The following TLN1 variants were observed in gnomAD, a reference collection of about 807,000 sequenced individuals.
The protein encoded by TLN1 is talin 1, also known as talin-1.
Under a neutral mutation model 292.3 loss-of-function variants are expected in TLN1, and 56 were observed. The ratio of observed to expected loss-of-function variants is 0.19; its 90% confidence interval spans 0.15 to 0.24. TLN1 has a LOEUF of 0.24. Among genes scored for constraint, TLN1 ranks in the 10% least tolerant of loss-of-function variants. TLN1 has a pLI of 1.00. For missense variants in TLN1, 2,433 were observed against 3,248.2 expected (o/e 0.75, Z 6.10); for synonymous variants, 1,119 against 1,253.7 (o/e 0.89, Z 2.27).
Position 35,697,697 on chromosome 9 carries a change from G to GGGTTGGGCA in TLN1, c.*85_*93dup. On this transcript the variant is annotated 3_prime_UTR_variant, in exon 57 of 57. Transcript: ENST00000314888. ...TTGGCAGGCACTTTGGGGAGTGCTG[G>GGGTTGGGCA]GGTTGGGCAGGTTGGGCCCCGACAG... 1 of 1,545,066 alleles carries GGGTTGGGCA rather than the reference G, an allele frequency of 6.5e-7. No individual in the cohort carries two copies. Among genetic ancestry groups the GGGTTGGGCA allele is most frequent in the Admixed American group, 1.8e-5 (1 of 54,908 alleles).
At position 35,707,317 on chromosome 9, in the gene TLN1, GC is replaced by G; in HGVS notation, c.4773+30del. The G allele has an allele frequency of 1.9e-6, 3 of 1,610,970 alleles. No individual in the cohort carries two copies. Among genetic ancestry groups the G allele is most frequent in the Non-Finnish European group, 2.5e-6 (3 of 1,177,560 alleles). On this transcript the variant is annotated intron_variant, in intron 36 of 56. Coordinates refer to ENST00000314888, the MANE Select transcript of TLN1 (RefSeq NM_006289.4). The surrounding 1 kb of genome is among the most constrained non-coding windows in gnomAD (Gnocchi z 5.6). ...CCCTGGAAGATGAGGTGATAAGCTGGCCCATCAGTTCCCCCTTCACATCGCC... is the reference window on the plus strand; with the variant it reads ...CCCTGGAAGATGAGGTGATAAGCTGGCCATCAGTTCCCCCTTCACATCGCC...
intron 31 of TLN1, 35 bp downstream of exon 31, chr9:35,710,954 T>A: frequency 1.2e-6 from 2 of 1,613,848 alleles, no homozygotes; most frequent in South Asian, 2.2e-5. Context: ...AACACTTCCC[T>A]CAACCTCAAT....
At chr9:35,730,919 G>A (rs1316136692) in intron 1 of TLN1, among the ~76,000 whole-genome samples, 1 of 152,074 alleles carries the variant, frequency 6.6e-6, no homozygotes, top group East Asian at 1.9e-4. Flanking sequence ...TTCTTCCCTA[G>A]GCAGTCCCCA....
At chr9:35,726,167 C>T (rs1041673917) in intron 1 of TLN1, among the ~76,000 whole-genome samples, 86 of 152,186 alleles carry the variant, frequency 5.7e-4, no homozygotes, top group African/African-American at 2.0e-3. Context: ...CTTGGCCTCC[C>T]CAAGTGCTGG....
At position 35,699,128 on chromosome 9, in the gene TLN1, G is replaced by A; in HGVS notation, c.6903C>T (p.Pro2301=). 1 of 1,613,292 alleles carries A rather than the reference G, an allele frequency of 6.2e-7. No homozygotes were observed. Among genetic ancestry groups the A allele is most frequent in the Non-Finnish European group, 8.5e-7 (1 of 1,179,522 alleles). ...KGTEWVDPED[P]TVIAENELLG... ...GGAGCTCATTCTCAGCAATGACTGT[G>A]GGGTCCTCTGGGTCTACCCATTCTG... Residue 2301 remains proline, a synonymous_variant, in exon 52 of 57, where the codon CCC becomes CCT. Transcript: ENST00000314888. This position sits in a 1 kb window ranked among gnomAD's most constrained non-coding sequence, Gnocchi z 4.0.
rs576024268 is a variant in TLN1, at chr9:35,697,414, G to C, written c.*377C>G. On this transcript the variant is annotated 3_prime_UTR_variant, in exon 57 of 57. Coordinates refer to ENST00000314888, the MANE Select transcript of TLN1 (RefSeq NM_006289.4). ...CTGCAGCCCCTATGGGTAGCTGGGG[G>C]TGGGGGAAGATAGTATCAAAAAACG... 1 of 231,708 alleles carries C rather than the reference G, an allele frequency of 4.3e-6. No homozygotes were observed. Among genetic ancestry groups the C allele is most frequent in the African/African-American group, 2.3e-5 (1 of 43,974 alleles). 14.4% of individuals were successfully genotyped at this position (231,708 alleles called of 1,614,324 possible).
At chr9:35,727,780 T>C (rs2737274) in intron 1 of TLN1, among the ~76,000 whole-genome samples, 145,696 of 152,114 alleles carry the variant, frequency 0.96, 69,863 homozygotes, top group Non-Finnish European at 0.98. Flanking sequence ...CCATTTCCTC[T>C]GGACACTTAG....
rs748796421 is a variant in TLN1 at position 35,711,660 on chromosome 9, C to T, written c.3814G>A (p.Gly1272Ser). ...GTGCTGAAGTCCTGTCCAAATCGGC[C>T]TGAGGCTCGAGCCAGGTCCTGAGGG... ...GTPQDLARAS[G>S]RFGQDFSTFL... is the part of the protein sequence containing the mutation. Residue 1272 changes from glycine to serine, a missense_variant, in exon 29 of 57, where the codon GGC (glycine) becomes AGC (serine). Physicochemically the swap from Gly to Ser is moderately conservative, Grantham distance 56. Around this residue, in one of 7 missense-constraint regions of TLN1, gnomAD observed 1,384 missense variants for 1,699.6 expected, o/e 0.81. Transcript: ENST00000314888. 6 of 1,614,064 alleles carry T rather than the reference C, an allele frequency of 3.7e-6. No individual in the cohort carries two copies. The African/African-American group carries it at 8.0e-5, about 22-fold the overall frequency.
Position 35,707,597 on chromosome 9 carries a change from G to GTGGTCAGTCTGAATAGAAAGAGCT in TLN1, c.4632+110_4633-110dup, listed in dbSNP as rs1345984181. The GTGGTCAGTCTGAATAGAAAGAGCT allele has an allele frequency of 1.1e-5, 18 of 1,574,234 alleles. No individual in the cohort carries two copies. Among genetic ancestry groups the GTGGTCAGTCTGAATAGAAAGAGCT allele is most frequent in the Admixed American group, 5.2e-5 (3 of 57,908 alleles). ...CTTACAGGATTTGGGGAGAGGCTAG[G>GTGGTCAGTCTGAATAGAAAGAGCT]TGGTCAGTCTGAATAGAAAGAGCTT... On this transcript the variant is annotated intron_variant, in intron 35 of 56. Coordinates refer to ENST00000314888, the MANE Select transcript of TLN1 (RefSeq NM_006289.4). This position sits in a 1 kb window ranked among gnomAD's most constrained non-coding sequence, Gnocchi z 5.6.
At chr9:35,711,967 T>C (rs1825678570) in intron 28 of TLN1, 38 bp downstream of exon 28, 1 of 1,608,890 alleles carries the variant, frequency 6.2e-7, no homozygotes, top group South Asian at 1.1e-5. Flanking sequence ...TGGCATTCTT[T>C]GACTCCTACG....
Position 35,714,514 on chromosome 9 carries a change from A to C in TLN1, c.2985+60T>G. 6.3e-7 allele frequency: 1 copy of C among 1,591,904 alleles called. No individual in the cohort carries two copies. The highest frequency in any genetic ancestry group is 8.5e-7 in the Non-Finnish European group (1 of 1,173,230). ...TCTTGGCAGAGATTCAAACTGTGGG[A>C]GATGGAAGCTTAGAAAGGTGGGAAG... On this transcript the variant is annotated intron_variant, in intron 23 of 56. Transcript: ENST00000314888. The surrounding 1 kb of genome is among the most constrained non-coding windows in gnomAD (Gnocchi z 4.6).
rs368752977 is a variant in TLN1, at chr9:35,709,188, G to A, written c.4327-704C>T. On this transcript the variant is annotated intron_variant, in intron 33 of 56. Transcript: ENST00000314888. ...CAGGCGCCTGTAGTCCCAGCTACTCGGGAGGCTGAGGTAGGAGAATCACTT... is the reference window on the plus strand; with the variant it reads ...CAGGCGCCTGTAGTCCCAGCTACTCAGGAGGCTGAGGTAGGAGAATCACTT... Among the ~76,000 whole-genome samples the A allele has an allele frequency of 1.1e-4, 17 of 152,286 alleles. No homozygotes were observed. In the East Asian group the frequency reaches 2.9e-3, roughly 26 times the overall value.
At position 35,719,991 on chromosome 9, in the gene TLN1, G is replaced by A. The variant is rs114780880; in HGVS notation, c.1464+48C>T. On this transcript the variant is annotated intron_variant, in intron 13 of 56. Transcript: ENST00000314888. This position sits in a 1 kb window ranked among gnomAD's most constrained non-coding sequence, Gnocchi z 4.6. ...GCCTAACTCCTGGCTCGGCCCAGCT[G>A]AGGGTGAGAGAAGGGCCCTGGCACC... The A allele has an allele frequency of 4.5e-4, 716 of 1,581,444 alleles. 4 individuals carry two copies. The African/African-American group carries it at 8.3e-3, about 18-fold the overall frequency.
chr9:35,707,920 TGAGGGCAGGAAGGAG>T lies in TLN1; in HGVS notation c.4471-43_4471-29del, dbSNP rs768151706. 8.7e-6 allele frequency: 14 copies of T among 1,611,388 alleles called. No individual in the cohort carries two copies. The highest frequency in any genetic ancestry group is 3.3e-5 in the Admixed American group (2 of 59,940). ...GAGGAGACACATGGAAGAGCCACGA[TGAGGGCAGGAAGGAG>T]GTGTACATACCCAAGGAGGAGCCAT... On this transcript the variant is annotated intron_variant, in intron 34 of 56. Transcript: ENST00000314888. The surrounding 1 kb of genome is among the most constrained non-coding windows in gnomAD (Gnocchi z 5.6).
In TLN1 at chr9:35,711,719, G is replaced by A. The variant is rs763958290; in HGVS notation, c.3755C>T (p.Ala1252Val). 2 of 1,614,144 alleles carry A rather than the reference G, an allele frequency of 1.2e-6. No homozygotes were observed. The highest frequency in any genetic ancestry group is 1.7e-6 in the Non-Finnish European group (2 of 1,180,036). ...LNEAAAGLNQ[A>V]ATELVQASRG... Reference sequence around the variant, plus strand: ...AGAGGCCTGCACCAGTTCTGTGGCTGCCTGATTCAGCCCAGCAGCAGCTTC... The same window carrying A: ...AGAGGCCTGCACCAGTTCTGTGGCTACCTGATTCAGCCCAGCAGCAGCTTC... Residue 1252 changes from alanine (A) to valine (V), a missense_variant, in exon 29 of 57, where the codon GCA (alanine) becomes GTA (valine). This residue lies in a region of TLN1 where 1,384 missense variants were observed against 1,699.6 expected (regional missense o/e 0.81). Coordinates refer to ENST00000314888, the MANE Select transcript of TLN1 (RefSeq NM_006289.4).
intron 33 of TLN1, 72 bp downstream of exon 33, chr9:35,710,489 G>T (rs1221969764): frequency 1.3e-6 from 2 of 1,560,998 alleles, no homozygotes; most frequent in Non-Finnish European, 1.7e-6. Flanking sequence ...TTATCTACAG[G>T]TATGTCAGGC....
chr9:35,705,813 G>A lies in TLN1; in HGVS notation c.5550C>T (p.Phe1850=), dbSNP rs748787321. Reference sequence around the variant, plus strand: ...GCACCATAGTTGTTTGGTAATCCACGAAGGAACCTTCTGGTTCACCCATTG... The same window carrying A: ...GCACCATAGTTGTTTGGTAATCCACAAAGGAACCTTCTGGTTCACCCATTG... ...EGPMGEPEGS[F]VDYQTTMVRT... The change falls in exon 42 of 57, where the codon TTC becomes TTT. Residue 1850 remains phenylalanine, a synonymous_variant. Transcript: ENST00000314888. 6.2e-7 allele frequency: 1 copy of A among 1,614,230 alleles called. No homozygotes were observed. The highest frequency in any genetic ancestry group is 1.3e-5 in the African/African-American group (1 of 75,056).
rs1171008399 is a variant in TLN1 at position 35,714,932 on chromosome 9, C to T, written c.2755-56G>A. The stretch of plus-strand genomic sequence containing the variant: ...CATGGATTCCCATGCCCAGCCCAGT[C>T]CCTGGCCTACCTTGCCCAGGTTATG... On this transcript the variant is annotated intron_variant, in intron 21 of 56. Transcript: ENST00000314888. This position sits in a 1 kb window ranked among gnomAD's most constrained non-coding sequence, Gnocchi z 4.6. 4 of 1,604,046 alleles carry T rather than the reference C, an allele frequency of 2.5e-6. No homozygotes were observed. In the Admixed American group the frequency reaches 5.0e-5, roughly 20 times the overall value.
chr9:35,718,402 CATA>C (rs1476576184), intron 17 of TLN1, among the ~76,000 whole-genome samples: 1 of 152,132 alleles, frequency 6.6e-6, no homozygotes, highest in Non-Finnish European at 1.5e-5. Flanking sequence ...TCTGGATGCA[CATA>C]TCTGCATGGG....
Sources: gnomAD v4.1 joint callset for allele counts (sites outside exome capture counted in the v4.1 genomes callset) on GRCh38, gnomAD v4.1.1 for gene constraint, gnomAD v4.1.1 regional missense constraint, Gnocchi (gnomAD v3.1) non-coding constraint, MANE v1.5 for transcripts, NCBI Gene and HGNC (gene_info 2026-07-23, HGNC 2026-07-21) for gene names.